PHRF1: variants seen among roughly 807,000 people sequenced by gnomAD.
The protein encoded by PHRF1 is PHD and ring finger domains 1, also known as PHD and RING finger domain-containing protein 1.
PHRF1 carries 53 observed loss-of-function variants against 128.9 expected under a neutral mutation model. The observed-to-expected ratio is 0.41, with a 90% confidence interval of 0.33 to 0.52. PHRF1 has a LOEUF of 0.52. PHRF1 is among the 20% of genes least tolerant of loss of function. The pLI is 0.21. For synonymous variants in PHRF1, 1,178 were observed against 980.6 expected, an observed-to-expected ratio of 1.20 and a Z score of -3.76; for missense variants, 2,503 against 2,284.5, an observed-to-expected ratio of 1.10 and a Z score of -1.95.
At position 610,333 on chromosome 11, in the gene PHRF1, A is replaced by C; in HGVS notation, c.4402A>C (p.Thr1468Pro). The C allele has an allele frequency of 1.3e-6, 2 of 1,566,236 alleles. No homozygotes were observed. The highest frequency in any genetic ancestry group is 8.7e-7 in the Non-Finnish European group (1 of 1,155,724). The change falls in exon 15 of 18, where the codon ACA becomes CCA. Residue 1468 changes from threonine to proline, a missense_variant. Thr to Pro is a conservative substitution (Grantham distance 38). Transcript: ENST00000264555. ...HVLPEPGFPD[T>P]DPSQVYSPGL... ...GCTTCCGGAACCCGGGTTCCCAGAC[A>C]CAGACCCCTCTCAGGTGGGTGTCTG...
intron 4 of PHRF1, among the ~76,000 whole-genome samples, chr11:590,109 C>T (rs889774520): frequency 4.6e-5 from 7 of 151,702 alleles, no homozygotes; most frequent in Non-Finnish European, 7.4e-5. Context: ...TGTGTGCAAA[C>T]GGGCACGGAG....
rs1377755716 is a variant in PHRF1 at position 607,664 on chromosome 11, G to C, written c.2208G>C (p.Arg736Ser). 1 of 1,610,370 alleles carries C rather than the reference G, an allele frequency of 6.2e-7. No individual in the cohort carries two copies. The highest frequency in any genetic ancestry group is 8.5e-7 in the Non-Finnish European group (1 of 1,178,416). Residue 736 changes from arginine (R) to serine (S), a missense_variant, in exon 14 of 18, where the codon AGG becomes AGC. Physicochemically the swap from Arg to Ser is moderately radical, Grantham distance 110. Coordinates refer to ENST00000264555, the MANE Select transcript of PHRF1 (RefSeq NM_001286581.2). Reference sequence around the variant, plus strand: ...GGGCAGAGAGCGAGGCCAGCAGCAGGGTGCCCCGGGAGCCCGGGGTGCACA... The same window carrying C: ...GGGCAGAGAGCGAGGCCAGCAGCAGCGTGCCCCGGGAGCCCGGGGTGCACA... ...GTRAESEASS[R>S]VPREPGVHTG...
At position 610,674 on chromosome 11, in the gene PHRF1, G is replaced by T. The variant is rs1245041064; in HGVS notation, c.4590G>T (p.Glu1530Asp). The T allele has an allele frequency of 3.7e-6, 6 of 1,603,486 alleles. No homozygotes were observed. Among genetic ancestry groups the T allele is most frequent in the Non-Finnish European group, 5.1e-6 (6 of 1,179,808 alleles). Residue 1530 changes from glutamate (E) to aspartate (D), a missense_variant, in exon 16 of 18, where the codon GAG (glutamate) becomes GAT (aspartate). Glu to Asp is a conservative substitution (Grantham distance 45). Transcript: ENST00000264555. ...PVPAALTPAS[E>D]PASQATAASN... ...CCGCTGCCCTGACCCCAGCCTCAGAGCCAGCCAGTCAAGCCACTGCAGCCA... is the reference window on the plus strand; with the variant it reads ...CCGCTGCCCTGACCCCAGCCTCAGATCCAGCCAGTCAAGCCACTGCAGCCA...
Position 610,575 on chromosome 11 carries a change from C to T in PHRF1, c.4491C>T (p.Pro1497=). 6.2e-7 allele frequency: 1 copy of T among 1,606,426 alleles called. No individual in the cohort carries two copies. Among genetic ancestry groups the T allele is most frequent in the Non-Finnish European group, 8.5e-7 (1 of 1,179,768 alleles). The change falls in exon 16 of 18, where the codon CCC becomes CCT. Residue 1497 remains proline, a synonymous_variant. Transcript: ENST00000264555. The part of the protein sequence containing the change: ...SIPPCALVSQ[P]TVQFILQGSL... ...CACCCTGCGCACTGGTCAGCCAGCC[C>T]ACGGTCCAGTTCATCCTTCAGGGGA...
At chr11:577,323 C>T (rs890939680) in intron 1 of PHRF1, among the ~76,000 whole-genome samples, 4 of 152,210 alleles carry the variant, frequency 2.6e-5, no homozygotes, top group African/African-American at 7.2e-5. Context: ...TTGTGTTGCC[C>T]CTTCTTCGGA....
rs757856658 is a variant in PHRF1 at position 582,062 on chromosome 11, A to G, written c.195A>G (p.Glu65=). 3.8e-6 allele frequency: 6 copies of G among 1,598,712 alleles called. No homozygotes were observed. In the African/African-American group the frequency reaches 6.7e-5, roughly 18 times the overall value. The change falls in exon 3 of 18, where the codon GAA becomes GAG. Residue 65 remains glutamate (E), a synonymous_variant. Coordinates refer to ENST00000264555, the MANE Select transcript of PHRF1 (RefSeq NM_001286581.2). ...AAGACGAGGGGGCGTCTGAGGAGGA[A>G]GACCTGGAAGACAGATCTGGTGAGA... ...DGEDEGASEE[E]DLEDRSGSED... is the part of the protein sequence containing the mutation.
intron 6 of PHRF1, among the ~76,000 whole-genome samples, chr11:592,983 C>T (rs753830912): frequency 3.3e-5 from 5 of 152,228 alleles, no homozygotes; most frequent in Admixed American, 6.5e-5. Context: ...GTCCTGGTCC[C>T]GGCCTTTGTG....
chr11:598,403 C>A lies in PHRF1; in HGVS notation c.925C>A (p.Leu309Met). 1 of 1,610,932 alleles carries A rather than the reference C, an allele frequency of 6.2e-7. No homozygotes were observed. The highest frequency in any genetic ancestry group is 8.5e-7 in the Non-Finnish European group (1 of 1,179,822). ...ACCAGGGCGCCTCGGGTCTTCCCTG[C>A]TGGATGAAGCCATCGAGGCTGTGGC... is the stretch of plus-strand genomic sequence containing the variant. ...HTPGRLGSSLLDEAIEAVATG... is the reference protein window; with the variant it reads ...HTPGRLGSSLMDEAIEAVATG... Residue 309 changes from leucine (L) to methionine (M), a missense_variant, in exon 9 of 18, where the codon CTG becomes ATG. Leu to Met is a conservative substitution (Grantham distance 15, BLOSUM62 2). Transcript: ENST00000264555.
Position 610,633 on chromosome 11 carries a change from ACCCTGGCCCCAGTGCCCGCTG to A in PHRF1, c.4555_4575del (p.Ala1519_Leu1525del), listed in dbSNP as rs1856314075. 3 of 1,605,146 alleles carry A rather than the reference ACCCTGGCCCCAGTGCCCGCTG, an allele frequency of 1.9e-6. No individual in the cohort carries two copies. Among genetic ancestry groups the A allele is most frequent in the Non-Finnish European group, 2.5e-6 (3 of 1,179,770 alleles). On this transcript the variant is annotated inframe_deletion, in exon 16 of 18. Coordinates refer to ENST00000264555, the MANE Select transcript of PHRF1 (RefSeq NM_001286581.2). ...GCTAGTGGGCTGTGGGGCAGCACAG[ACCCTGGCCCCAGTGCCCGCTG>A]CCCTGACCCCAGCCTCAGAGCCAGC... is the stretch of plus-strand genomic sequence containing the variant.
chr11:600,988 CA>C (rs1489490182), intron 9 of PHRF1, among the ~76,000 whole-genome samples: 1 of 151,376 alleles, frequency 6.6e-6, no homozygotes, highest in Admixed American at 6.6e-5. Context: ...CAAAATAATA[CA>C]AAAATACAAA....
chr11:583,291 A>G (rs1854325444), intron 3 of PHRF1, among the ~76,000 whole-genome samples: 1 of 151,586 alleles, frequency 6.6e-6, no homozygotes, highest in Admixed American at 6.6e-5. Context: ...GTGAGCCAAG[A>G]TCGCCACTGC....
chr11:577,164 C>G (rs1336332435), intron 1 of PHRF1, among the ~76,000 whole-genome samples: 2 of 152,222 alleles, frequency 1.3e-5, no homozygotes, highest in Non-Finnish European at 2.9e-5. Context: ...TTAACTCTTG[C>G]AGTCCTCACA....
Position 609,199 on chromosome 11 carries a change from T to A in PHRF1, c.3743T>A (p.Val1248Glu), listed in dbSNP as rs1191202345. The change falls in exon 14 of 18, where the codon GTG (valine) becomes GAG (glutamate). Residue 1248 changes from valine to glutamate, a missense_variant. Transcript: ENST00000264555. ...APLQAPPVLE[V>E]AAECEPDDLD... Reference sequence around the variant, plus strand: ...CTGCAGGCTCCCCCTGTCCTGGAGGTGGCAGCTGAGTGTGAGCCGGACGAC... The same window carrying A: ...CTGCAGGCTCCCCCTGTCCTGGAGGAGGCAGCTGAGTGTGAGCCGGACGAC... The A allele has an allele frequency of 3.7e-6, 6 of 1,607,918 alleles. No homozygotes were observed. Among genetic ancestry groups the A allele is most frequent in the Non-Finnish European group, 5.1e-6 (6 of 1,179,590 alleles).
At chr11:599,658 AC>A (rs1279188135) in intron 9 of PHRF1, among the ~76,000 whole-genome samples, 1 of 152,100 alleles carries the variant, frequency 6.6e-6, no homozygotes, top group Non-Finnish European at 1.5e-5. Flanking sequence ...TAGTTATGAG[AC>A]CACACTTCAG....
chr11:609,923 G>A (rs2133097079), intron 14 of PHRF1, among the ~76,000 whole-genome samples: 1 of 152,274 alleles, frequency 6.6e-6, no homozygotes, highest in South Asian at 2.1e-4. Context: ...TGAGTGAGTA[G>A]GGCCCCGGCC....
At chr11:596,250 C>T (rs1241774552) in intron 6 of PHRF1, among the ~76,000 whole-genome samples, 1 of 152,194 alleles carries the variant, frequency 6.6e-6, no homozygotes, top group Non-Finnish European at 1.5e-5. Context: ...CGAGCCTCGG[C>T]TGCTTGGAGG....
intron 6 of PHRF1, among the ~76,000 whole-genome samples, chr11:594,885 C>G (rs1855191134): frequency 7.4e-6 from 1 of 135,682 alleles, no homozygotes; most frequent in Non-Finnish European, 1.6e-5. Context: ...ACTTGAATTA[C>G]TTGGCAGATA....
chr11:609,285 G>A lies in PHRF1; in HGVS notation c.3829G>A (p.Asp1277Asn), dbSNP rs1017678288. The A allele has an allele frequency of 2.5e-6, 4 of 1,612,306 alleles. No individual in the cohort carries two copies. The highest frequency in any genetic ancestry group is 1.3e-5 in the African/African-American group (1 of 74,934). ...ACACGTCTTTGATGATTTCTCAAGC[G>A]ACGCCGTTTTCATCCAGCTCGATGA... The part of the protein sequence containing the change: ...AGHVFDDFSS[D>N]AVFIQLDDMS... Residue 1277 changes from aspartate to asparagine, a missense_variant, in exon 14 of 18, where the codon GAC (aspartate) becomes AAC (asparagine). Coordinates refer to ENST00000264555, the MANE Select transcript of PHRF1 (RefSeq NM_001286581.2).
rs1355246418 is a variant in PHRF1 at position 597,544 on chromosome 11, C to T, written c.868C>T (p.Arg290Trp). The T allele has an allele frequency of 1.9e-6, 3 of 1,611,216 alleles. No individual in the cohort carries two copies. Among genetic ancestry groups the T allele is most frequent in the Admixed American group, 3.3e-5 (2 of 59,804 alleles). ...ERVRATVNRN[R>W]ISTARRVQHT... Reference sequence around the variant, plus strand: ...AGTGAGAGCAACCGTGAACCGGAACCGGATCTCCACGGCCAGGAGGGTCCA... The same window carrying T: ...AGTGAGAGCAACCGTGAACCGGAACTGGATCTCCACGGCCAGGAGGGTCCA... The change falls in exon 8 of 18, where the codon CGG becomes TGG. Residue 290 changes from arginine (R) to tryptophan (W), a missense_variant. Transcript: ENST00000264555. This position sits in a 1 kb window ranked among gnomAD's most constrained non-coding sequence, Gnocchi z 6.5.
Sources: allele counts gnomAD v4.1 joint callset (sites outside exome capture counted in the v4.1 genomes callset), GRCh38; gene constraint gnomAD v4.1.1; non-coding constraint Gnocchi (gnomAD v3.1); transcripts MANE v1.5; gene names NCBI Gene and HGNC (gene_info 2026-07-23, HGNC 2026-07-21).